ANTXR1: variants seen among roughly 807,000 people sequenced by gnomAD.
ANTXR1 encodes the protein ANTXR cell adhesion molecule 1.
ANTXR1 carries 19 observed loss-of-function variants against 78.1 expected under a neutral mutation model. That is an observed-to-expected ratio of 0.24 (90% CI 0.17 to 0.36). The LOEUF is 0.36. Among genes scored for constraint, ANTXR1 ranks in the 10% least tolerant of loss-of-function variants. The pLI is 1.00. For missense variants in ANTXR1, 518 were observed against 718.6 expected (o/e 0.72, Z 3.19); for synonymous variants, 273 against 260.5 (o/e 1.05, Z -0.46).
chr2:69,037,405 G>A (rs536887484), intron 1 of ANTXR1, among the ~76,000 whole-genome samples: 1 of 152,328 alleles, frequency 6.6e-6, no homozygotes, highest in African/African-American at 2.4e-5. Context: ...AGGGCCTTAT[G>A]CATAAGGTAG....
intron 10 of ANTXR1, 108 bp downstream of exon 10, chr2:69,103,048 G>A (rs1000745363): frequency 2.6e-6 from 3 of 1,174,448 alleles, no homozygotes; most frequent in African/African-American, 1.5e-5. Flanking sequence ...GCAGAAAAGA[G>A]TCTTATTTGC....
At chr2:69,149,289 C>T (rs893165103) in intron 12 of ANTXR1, among the ~76,000 whole-genome samples, 2 of 152,122 alleles carry the variant, frequency 1.3e-5, no homozygotes, top group South Asian at 4.1e-4. Flanking sequence ...ATTAGGGGGA[C>T]AGTTTGTTCC....
At chr2:69,174,593 C>G (rs571520626) in intron 14 of ANTXR1, among the ~76,000 whole-genome samples, 101 of 151,904 alleles carry the variant, frequency 6.6e-4, no homozygotes, top group African/African-American at 2.4e-3. Context: ...CCACTGCATT[C>G]CAGACTGGGC....
rs1676033932 is a variant in ANTXR1 at position 69,246,865 on chromosome 2, T to C, written c.*1380T>C. Reference sequence around the variant, plus strand: ...GCCTATTCAAAATTATCTCTCTCTCTAGCTTTCCACAAATCCTAAAATTCC... The same window carrying C: ...GCCTATTCAAAATTATCTCTCTCTCCAGCTTTCCACAAATCCTAAAATTCC... On this transcript the variant is annotated 3_prime_UTR_variant, in exon 18 of 18. Transcript: ENST00000303714. 1 of 152,208 alleles carries C rather than the reference T, an allele frequency of 6.6e-6. No individual in the cohort carries two copies. 9.4% of individuals were successfully genotyped at this position (152,208 alleles called of 1,614,324 possible). A position where few individuals can be genotyped will look rare whatever the true frequency, so the allele number is the denominator to read the frequency against.
At chr2:69,055,829 C>T (rs1342226600) in intron 3 of ANTXR1, among the ~76,000 whole-genome samples, 1 of 152,176 alleles carries the variant, frequency 6.6e-6, no homozygotes, top group Non-Finnish European at 1.5e-5. Flanking sequence ...TTGGGCACCA[C>T]AGATGTAACA....
intron 17 of ANTXR1, among the ~76,000 whole-genome samples, chr2:69,242,554 A>G (rs1427329203): frequency 6.6e-6 from 1 of 152,248 alleles, no homozygotes; most frequent in East Asian, 1.9e-4. Context: ...CCTCTCGGCC[A>G]GCCTGGTGGC....
chr2:69,036,373 A>G (rs1432342468), intron 1 of ANTXR1, among the ~76,000 whole-genome samples: 3 of 152,334 alleles, frequency 2.0e-5, no homozygotes, highest in Middle Eastern at 3.4e-3. Flanking sequence ...AAACAATCCA[A>G]TTATACTTTT....
Position 69,177,436 on chromosome 2 carries a change from TGTGCCTG to T in ANTXR1, c.1090-4349_1090-4343del, listed in dbSNP as rs538025320. On this transcript the variant is annotated intron_variant, in intron 14 of 17. Transcript: ENST00000303714. ...CAGCTGTTTCTTCCTCGAACAGCAC[TGTGCCTG>T]CAGGCACACCCAGGTCTGCCTGAGG... Among the ~76,000 whole-genome samples, 990 of 152,340 alleles carry T rather than the reference TGTGCCTG, an allele frequency of 6.5e-3. 5 individuals are homozygous for T. Among genetic ancestry groups the T allele is most frequent in the African/African-American group, 0.022 (928 of 41,578 alleles).
intron 13 of ANTXR1, among the ~76,000 whole-genome samples, chr2:69,159,539 GA>G (rs5831961): frequency 3.3e-4 from 50 of 149,310 alleles, no homozygotes; most frequent in East Asian, 1.6e-3. Flanking sequence ...CAATTAAAAA[GA>G]AAAAAAAAAT....
intron 16 of ANTXR1, among the ~76,000 whole-genome samples, chr2:69,187,862 T>C (rs1674458494): frequency 6.6e-6 from 1 of 151,778 alleles, no homozygotes; most frequent in African/African-American, 2.4e-5. Flanking sequence ...GTGCTAGGAT[T>C]ACAGGCATAA....
chr2:69,114,559 A>G (rs999744453), intron 10 of ANTXR1, among the ~76,000 whole-genome samples: 1 of 152,138 alleles, frequency 6.6e-6, no homozygotes, highest in African/African-American at 2.4e-5. Flanking sequence ...AACAATAATA[A>G]CCCACTTCAT....
intron 8 of ANTXR1, among the ~76,000 whole-genome samples, chr2:69,087,122 C>T (rs999343140): frequency 3.3e-5 from 5 of 152,072 alleles, no homozygotes; most frequent in South Asian, 4.2e-4. Context: ...ATAACTTGTC[C>T]GAGTCCACAT....
chr2:69,167,994 A>T (rs1673874538), intron 13 of ANTXR1, among the ~76,000 whole-genome samples: 1 of 152,186 alleles, frequency 6.6e-6, no homozygotes, highest in African/African-American at 2.4e-5. Context: ...GTGTTGGGCC[A>T]CCTAGAACTG....
intron 17 of ANTXR1, among the ~76,000 whole-genome samples, chr2:69,206,802 C>G (rs1674916500): frequency 1.3e-5 from 2 of 152,296 alleles, no homozygotes; most frequent in South Asian, 4.1e-4. Flanking sequence ...ATCAGCTGCA[C>G]TAGTGTGTTC....
At chr2:69,018,441 G>A (rs960184413) in intron 1 of ANTXR1, among the ~76,000 whole-genome samples, 7 of 152,148 alleles carry the variant, frequency 4.6e-5, no homozygotes, top group Non-Finnish European at 8.8e-5. Context: ...GATTTTTGTA[G>A]CATTAGGCTG....
At position 69,203,177 on chromosome 2, in the gene ANTXR1, G is replaced by A. The variant is rs561429734; in HGVS notation, c.1434+9762G>A. Among the ~76,000 whole-genome samples the A allele has an allele frequency of 2.4e-3, 363 of 152,288 alleles. 4 individuals are homozygous for A. The highest frequency in any genetic ancestry group is 4.0e-3 in the Non-Finnish European group (272 of 68,030). On this transcript the variant is annotated intron_variant, in intron 17 of 17. Transcript: ENST00000303714. ...AGGTCCCAACAGATCTGGAGGGAAA[G>A]TCTCCTGACCTTTTATAAATTTTTG...
At chr2:69,149,745 C>A (rs1320487242) in intron 12 of ANTXR1, among the ~76,000 whole-genome samples, 3 of 152,150 alleles carry the variant, frequency 2.0e-5, no homozygotes, top group African/African-American at 7.2e-5. Context: ...TTTATCCCCA[C>A]GTCAATGCAG....
intron 14 of ANTXR1, 113 bp downstream of exon 14, chr2:69,170,402 A>C: frequency 6.3e-6 from 8 of 1,274,012 alleles, no homozygotes; most frequent in Non-Finnish European, 9.0e-6. Context: ...AGTCAAGCTC[A>C]AAGGATTTAA....
At chr2:69,154,273 T>C (rs1320588406) in intron 13 of ANTXR1, among the ~76,000 whole-genome samples, 1 of 152,170 alleles carries the variant, frequency 6.6e-6, no homozygotes, top group Non-Finnish European at 1.5e-5. Flanking sequence ...TCGTGAAGGA[T>C]TTCTTTATGA....
Sources: allele counts gnomAD v4.1 joint callset (sites outside exome capture counted in the v4.1 genomes callset), GRCh38; gene constraint gnomAD v4.1.1; transcripts MANE v1.5; gene names NCBI Gene and HGNC (gene_info 2026-07-23, HGNC 2026-07-21).